The following SPAG17 variants were observed in gnomAD, a reference collection of about 807,000 sequenced individuals.
The protein encoded by SPAG17 is sperm associated antigen 17.
Under a neutral mutation model 273.6 loss-of-function variants are expected in SPAG17, and 169 were observed. The ratio of observed to expected loss-of-function variants is 0.62; its 90% CI spans 0.55 to 0.70. The LOEUF (loss-of-function observed/expected upper bound fraction) is 0.70. Among genes scored for constraint, SPAG17 ranks in the 30% least tolerant of loss-of-function variants. The probability of loss-of-function intolerance (pLI) is 0.00; values close to 1 mark genes in which losing one functional copy is unlikely to be tolerated. For missense variants in SPAG17, 2,557 were observed against 2,627.8 expected (o/e 0.97, Z 0.59); for synonymous variants, 825 against 873.2 (o/e 0.94, Z 0.97).
In SPAG17 at chr1:118,023,318, G is replaced by T; in HGVS notation, c.4055C>A (p.Thr1352Asn). Residue 1352 changes from threonine (T) to asparagine (N), a missense_variant, in exon 28 of 49, where the codon ACC becomes AAC. By Grantham distance (65) the Thr-to-Asn change is moderately conservative. Transcript: ENST00000336338. Reference sequence around the variant, plus strand: ...TCAATTGTTACCTTTCTTTGTGTTGGTAATCTCAGATGGTATCGTTTCTGA... The same window carrying T: ...TCAATTGTTACCTTTCTTTGTGTTGTTAATCTCAGATGGTATCGTTTCTGA... Reference protein sequence around the residue: ...QKSETIPSEITNTKKGKSHKS... With the variant: ...QKSETIPSEINNTKKGKSHKS... 6.2e-7 allele frequency: 1 copy of T among 1,609,472 alleles called. No homozygotes were observed. The highest frequency in any genetic ancestry group is 8.5e-7 in the Non-Finnish European group (1 of 1,177,454).
In SPAG17 at chr1:118,019,723, G is replaced by A. The variant is rs192874833; in HGVS notation, c.4070-3541C>T. Among the ~76,000 whole-genome samples, 461 of 152,228 alleles carry A rather than the reference G, an allele frequency of 3.0e-3. 3 individuals are homozygous for A. Among genetic ancestry groups the A allele is most frequent in the African/African-American group, 0.011 (446 of 41,548 alleles). On this transcript the variant is annotated intron_variant, in intron 28 of 48. Transcript: ENST00000336338. ...AATCACAGGGAATATTTTAAAGACC[G>A]TTAGATTATCCTCAAAGCAACAACA...
chr1:118,057,631 T>C (rs1427947185), intron 18 of SPAG17, among the ~76,000 whole-genome samples: 2 of 152,026 alleles, frequency 1.3e-5, no homozygotes, highest in African/African-American at 4.8e-5. Flanking sequence ...TGTATTCCAG[T>C]TGCATTAAAA....
intron 26 of SPAG17, among the ~76,000 whole-genome samples, chr1:118,026,262 G>T (rs1218792388): frequency 6.6e-6 from 1 of 152,166 alleles, no homozygotes; most frequent in Non-Finnish European, 1.5e-5. Flanking sequence ...AAGGAGAAAA[G>T]CACCTAATAA....
chr1:118,155,232 G>A (rs1047112022), intron 1 of SPAG17, among the ~76,000 whole-genome samples: 1 of 152,130 alleles, frequency 6.6e-6, no homozygotes, highest in Non-Finnish European at 1.5e-5. Flanking sequence ...CACTTACATA[G>A]TAGTCTCCTA....
Position 118,148,803 on chromosome 1 carries a change from C to T in SPAG17, c.315+1740G>A, listed in dbSNP as rs1056206021. Reference sequence around the variant, plus strand: ...ACTTTCTGGGCCTATTCCATGGCCACCACTCGCAACTACCATGCAGCTCTG... The same window carrying T: ...ACTTTCTGGGCCTATTCCATGGCCATCACTCGCAACTACCATGCAGCTCTG... On this transcript the variant is annotated intron_variant, in intron 3 of 48. Coordinates refer to ENST00000336338, the MANE Select transcript of SPAG17 (RefSeq NM_206996.4). Among the ~76,000 whole-genome samples, 8 of 152,172 alleles carry T rather than the reference C, an allele frequency of 5.3e-5. No homozygotes were observed. The East Asian group carries it at 1.5e-3, about 29-fold the overall frequency.
chr1:118,081,363 A>T, intron 14 of SPAG17, 44 bp from the exon 15 acceptor site: 1 of 1,611,802 alleles, frequency 6.2e-7, no homozygotes, highest in Non-Finnish European at 8.5e-7. Flanking sequence ...TATGAGAAAA[A>T]TTGACGATCA....
chr1:118,123,829 C>T (rs1263117335), intron 3 of SPAG17, among the ~76,000 whole-genome samples: 1 of 152,156 alleles, frequency 6.6e-6, no homozygotes, highest in African/African-American at 2.4e-5. Flanking sequence ...ATTAAGACCT[C>T]TTTGGGGCTG....
At chr1:117,967,377 G>A (rs74346187) in intron 46 of SPAG17, among the ~76,000 whole-genome samples, 6,836 of 151,406 alleles carry the variant, frequency 0.045, 330 homozygotes, top group South Asian at 0.13. Flanking sequence ...TTGCAGGGGT[G>A]TCCAATATTT....
chr1:118,024,190 T>C (rs1420777076), intron 27 of SPAG17, among the ~76,000 whole-genome samples: 1 of 152,112 alleles, frequency 6.6e-6, no homozygotes, highest in Non-Finnish European at 1.5e-5. Flanking sequence ...AAACTTCTTA[T>C]GTTATGTCTT....
At chr1:118,129,139 G>A (rs573910124) in intron 3 of SPAG17, among the ~76,000 whole-genome samples, 13 of 152,312 alleles carry the variant, frequency 8.5e-5, no homozygotes, top group South Asian at 4.1e-4. Context: ...GCAGGGAAGT[G>A]GGCTGGAGCC....
intron 3 of SPAG17, among the ~76,000 whole-genome samples, chr1:118,147,845 T>C (rs1490482980): frequency 6.6e-6 from 1 of 152,228 alleles, no homozygotes; most frequent in Non-Finnish European, 1.5e-5. Context: ...CTGACACTAT[T>C]TTACTACTCA....
chr1:117,964,571 G>T (rs1218091618), intron 47 of SPAG17: 3 of 152,046 alleles, frequency 2.0e-5, no homozygotes, highest in Non-Finnish European at 2.9e-5. Flanking sequence ...AAAAGGGAGG[G>T]GAGGAAGGTG....
intron 10 of SPAG17, among the ~76,000 whole-genome samples, chr1:118,088,496 T>A (rs1403010165): frequency 3.3e-5 from 5 of 152,144 alleles, no homozygotes; most frequent in Non-Finnish European, 7.4e-5. Flanking sequence ...CATGGAGCAA[T>A]TAAAGGCAAA....
At chr1:118,129,755 CTTT>C (rs1000228609) in intron 3 of SPAG17, among the ~76,000 whole-genome samples, 2 of 127,864 alleles carry the variant, frequency 1.6e-5, no homozygotes, top group Admixed American at 8.2e-5. Context: ...TTGTTTTTTT[CTTT>C]TTCTTTCTTT....
intron 18 of SPAG17, among the ~76,000 whole-genome samples, chr1:118,066,402 A>G (rs1571393216): frequency 6.6e-6 from 1 of 152,314 alleles, no homozygotes; most frequent in East Asian, 1.9e-4. Context: ...AAAACCCAAC[A>G]TGCAGAATGT....
chr1:118,181,637 T>A (rs1259910659), intron 1 of SPAG17, among the ~76,000 whole-genome samples: 1 of 152,100 alleles, frequency 6.6e-6, no homozygotes, highest in Non-Finnish European at 1.5e-5. Context: ...TCATATCTGT[T>A]AGGACAGCTA....
At chr1:118,168,529 A>T (rs1660278358) in intron 1 of SPAG17, among the ~76,000 whole-genome samples, 1 of 152,218 alleles carries the variant, frequency 6.6e-6, no homozygotes, top group African/African-American at 2.4e-5. Context: ...CAGTGAATTT[A>T]ATCCAGTAGA....
intron 1 of SPAG17, among the ~76,000 whole-genome samples, chr1:118,170,735 A>G (rs933877860): frequency 2.0e-5 from 3 of 152,180 alleles, no homozygotes; most frequent in Non-Finnish European, 4.4e-5. Context: ...ATCAGGATTC[A>G]ATATCAATAT....
chr1:118,175,092 G>A (rs556196176), intron 1 of SPAG17, among the ~76,000 whole-genome samples: 6 of 152,084 alleles, frequency 3.9e-5, no homozygotes, highest in Admixed American at 6.6e-5. Context: ...GTGCAGTGGC[G>A]CAATCTTGGC....
Sources: gnomAD v4.1 joint callset for allele counts (sites outside exome capture counted in the v4.1 genomes callset) on GRCh38, gnomAD v4.1.1 for gene constraint, MANE v1.5 for transcripts, NCBI Gene and HGNC (gene_info 2026-07-23, HGNC 2026-07-21) for gene names.